Variants in EPS8 observed in about 807,000 individuals in gnomAD.
EPS8 encodes the protein EGFR pathway substrate 8, signaling adaptor, also known as epidermal growth factor receptor kinase substrate 8.
EPS8 carries 42 observed loss-of-function variants against 103.8 expected under a neutral mutation model. The observed-to-expected ratio is 0.40, with a 90% CI of 0.32 to 0.52. The LOEUF (loss-of-function observed/expected upper bound fraction) is 0.52. Among genes scored for constraint, EPS8 ranks in the 20% least tolerant of loss-of-function variants. EPS8 has a pLI of 0.40. For synonymous variants in EPS8, 344 were observed against 344.6 expected (o/e 1.00, Z 0.02); for missense variants, 969 against 1,005.1 (o/e 0.96, Z 0.49).
At position 15,734,347 on chromosome 12, in the gene EPS8, C is replaced by T. The variant is rs935494407; in HGVS notation, c.-21-51375G>A. On this transcript the variant is annotated intron_variant, in intron 1 of 20. Transcript: ENST00000281172. This position sits in a 1 kb window ranked among gnomAD's most constrained non-coding sequence, Gnocchi z 4.1. ...CAACATATAAGATGGCCCTGTTTTA[C>T]TACTGTTCCAGGGGCATTAGGCTAC... Among the ~76,000 whole-genome samples, 7 of 152,088 alleles carry T rather than the reference C, an allele frequency of 4.6e-5. No individual in the cohort carries two copies. The highest frequency in any genetic ancestry group is 1.7e-4 in the African/African-American group (7 of 41,416).
At chr12:15,674,454 C>G (rs1050655743) in intron 3 of EPS8, among the ~76,000 whole-genome samples, 1 of 152,036 alleles carries the variant, frequency 6.6e-6, no homozygotes, top group Non-Finnish European at 1.5e-5. Flanking sequence ...ATATCTATTC[C>G]ATAGGGGAGA....
chr12:15,694,316 C>A (rs529765878), intron 1 of EPS8, among the ~76,000 whole-genome samples: 1 of 152,248 alleles, frequency 6.6e-6, no homozygotes, highest in East Asian at 1.9e-4. Context: ...TTGATAAAGT[C>A]AGCTGGTATT....
At chr12:15,659,022 G>A (rs1945556948) in intron 10 of EPS8, among the ~76,000 whole-genome samples, 1 of 152,068 alleles carries the variant, frequency 6.6e-6, no homozygotes, top group Non-Finnish European at 1.5e-5. Context: ...CTTATAAGAT[G>A]GGATTTGAAA....
intron 1 of EPS8, among the ~76,000 whole-genome samples, chr12:15,699,475 C>T (rs1257215374): frequency 1.3e-5 from 2 of 152,110 alleles, no homozygotes; most frequent in African/African-American, 4.8e-5. Flanking sequence ...CTTTATTTTC[C>T]TGCAGGATCA....
chr12:15,669,366 A>C (rs761150343), intron 6 of EPS8, 21 bp downstream of exon 6: 2 of 1,589,172 alleles, frequency 1.3e-6, no homozygotes, highest in South Asian at 2.3e-5. Flanking sequence ...AGAAGAAACA[A>C]AAATTTCACC....
intron 7 of EPS8, among the ~76,000 whole-genome samples, 156 bp downstream of exon 7, chr12:15,666,284 T>G (rs1240358020): frequency 6.6e-6 from 1 of 152,192 alleles, no homozygotes; most frequent in Non-Finnish European, 1.5e-5. Context: ...GTAAACACAC[T>G]GACAAACTTG....
intron 10 of EPS8, among the ~76,000 whole-genome samples, chr12:15,659,432 G>T (rs1462940319): frequency 6.6e-6 from 1 of 152,158 alleles, no homozygotes; most frequent in African/African-American, 2.4e-5. Flanking sequence ...TAAAATTGAT[G>T]TTGGCTATAA....
chr12:15,773,597 A>G (rs567992483), intron 1 of EPS8, among the ~76,000 whole-genome samples: 56 of 152,164 alleles, frequency 3.7e-4, no homozygotes, highest in Non-Finnish European at 7.8e-4. Context: ...ATGCAGCAGA[A>G]GCAAGTAAGT....
At chr12:15,715,229 A>C (rs1379661347) in intron 1 of EPS8, among the ~76,000 whole-genome samples, 1 of 152,170 alleles carries the variant, frequency 6.6e-6, no homozygotes, top group East Asian at 1.9e-4. Context: ...AACTGGGGAC[A>C]AGGGTGAGGT....
At chr12:15,786,243 G>A (rs181574395) in intron 1 of EPS8, among the ~76,000 whole-genome samples, 15 of 152,118 alleles carry the variant, frequency 9.9e-5, no homozygotes, top group East Asian at 3.9e-4. Flanking sequence ...AAAATGGCAC[G>A]TTACCTCTGT....
At chr12:15,624,195 C>T in intron 19 of EPS8, 32 bp downstream of exon 19, 1 of 1,580,422 alleles carries the variant, frequency 6.3e-7, no homozygotes, top group South Asian at 1.1e-5. Flanking sequence ...GTTGTACACA[C>T]AGAATTGCAA....
intron 1 of EPS8, among the ~76,000 whole-genome samples, chr12:15,692,397 G>A (rs1946187595): frequency 7.1e-6 from 1 of 140,424 alleles, no homozygotes; most frequent in South Asian, 2.3e-4. Flanking sequence ...CCTGCTGAAT[G>A]TTAGGGGCCA....
At position 15,695,973 on chromosome 12, in the gene EPS8, T is replaced by G. The variant is rs940275733; in HGVS notation, c.-21-13001A>C. 1.3e-5 allele frequency among the ~76,000 whole-genome samples: 2 copies of G among 152,116 alleles called. No individual in the cohort carries two copies. ...TATTAAAAAGTAAAAATAAAACAGA[T>G]AGCGTTTATAAGGATACAAACACAG... On this transcript the variant is annotated intron_variant, in intron 1 of 20. Coordinates refer to ENST00000281172, the MANE Select transcript of EPS8 (RefSeq NM_004447.6). This position sits in a 1 kb window ranked among gnomAD's most constrained non-coding sequence, Gnocchi z 5.0.
chr12:15,682,787 A>C, intron 2 of EPS8, 106 bp downstream of exon 2: 1 of 652,780 alleles, frequency 1.5e-6, no homozygotes, highest in Non-Finnish European at 2.7e-6. Context: ...GGAATGAACT[A>C]CTGAACTACA....
rs1565533089 is a variant in EPS8, at chr12:15,759,172, T to A, written c.-22+29989A>T. On this transcript the variant is annotated intron_variant, in intron 1 of 20. Coordinates refer to ENST00000281172, the MANE Select transcript of EPS8 (RefSeq NM_004447.6). The surrounding 1 kb of genome is among the most constrained non-coding windows in gnomAD (Gnocchi z 4.9). Reference sequence around the variant, plus strand: ...TATATCCCCTATGTTTTCTTTTGGATTTCATAATTGCCAACAGAGTGCTAT... The same window carrying A: ...TATATCCCCTATGTTTTCTTTTGGAATTCATAATTGCCAACAGAGTGCTAT... 6.6e-6 allele frequency among the ~76,000 whole-genome samples: 1 copy of A among 152,132 alleles called. No homozygotes were observed. Among genetic ancestry groups the A allele is most frequent in the Admixed American group, 6.5e-5 (1 of 15,274 alleles).
Position 15,742,482 on chromosome 12 carries a change from C to G in EPS8, c.-22+46679G>C, listed in dbSNP as rs541345334. Among the ~76,000 whole-genome samples, 3 of 152,242 alleles carry G rather than the reference C, an allele frequency of 2.0e-5. No individual in the cohort carries two copies. In the South Asian group the frequency reaches 6.2e-4, roughly 32 times the overall value. Reference sequence around the variant, plus strand: ...AAAAAAGAGAATTTTAGACCAATATCCCTAATGAACATCAATGCAAAAATC... The same window carrying G: ...AAAAAAGAGAATTTTAGACCAATATGCCTAATGAACATCAATGCAAAAATC... On this transcript the variant is annotated intron_variant, in intron 1 of 20. Coordinates refer to ENST00000281172, the MANE Select transcript of EPS8 (RefSeq NM_004447.6).
At chr12:15,648,611 T>C (rs1000412468) in intron 14 of EPS8, among the ~76,000 whole-genome samples, 1 of 152,138 alleles carries the variant, frequency 6.6e-6, no homozygotes, top group Non-Finnish European at 1.5e-5. Flanking sequence ...CTACATTAGA[T>C]TAGGTAATCT....
intron 1 of EPS8, among the ~76,000 whole-genome samples, chr12:15,730,020 G>A (rs566133045): frequency 5.3e-5 from 8 of 152,186 alleles, no homozygotes; most frequent in African/African-American, 4.8e-5. Flanking sequence ...AAATGGCTCC[G>A]TACTGGCTAT....
rs2135969494 is a variant in EPS8 at position 15,716,842 on chromosome 12, T to G, written c.-21-33870A>C. Among the ~76,000 whole-genome samples, 1 of 152,266 alleles carries G rather than the reference T, an allele frequency of 6.6e-6. No individual in the cohort carries two copies. The highest frequency in any genetic ancestry group is 2.1e-4 in the South Asian group (1 of 4,830). On this transcript the variant is annotated intron_variant, in intron 1 of 20. Coordinates refer to ENST00000281172, the MANE Select transcript of EPS8 (RefSeq NM_004447.6). This position sits in a 1 kb window ranked among gnomAD's most constrained non-coding sequence, Gnocchi z 5.0. ...ATTCATCTTGGAAGTATAAGCAAAATTTCACTTTCAGTTCCTGTACTGTTC... is the reference window on the plus strand; with the variant it reads ...ATTCATCTTGGAAGTATAAGCAAAAGTTCACTTTCAGTTCCTGTACTGTTC...
Sources: gnomAD v4.1 joint callset for allele counts (sites outside exome capture counted in the v4.1 genomes callset) on GRCh38, gnomAD v4.1.1 for gene constraint, Gnocchi (gnomAD v3.1) non-coding constraint, MANE v1.5 for transcripts, NCBI Gene and HGNC (gene_info 2026-07-23, HGNC 2026-07-21) for gene names.